Variants in KIAA1328 observed in about 807,000 individuals in gnomAD.
KIAA1328 encodes the protein KIAA1328.
A neutral mutation model predicts 68.1 loss-of-function variants in KIAA1328; 52 were observed. That is an observed-to-expected ratio of 0.76 (90% CI 0.61 to 0.96). The LOEUF (loss-of-function observed/expected upper bound fraction) is 0.96. KIAA1328 is among the 40% of genes least tolerant of loss of function. KIAA1328 has a pLI of 0.00. For missense variants in KIAA1328, 641 were observed against 677.6 expected (o/e 0.95, Z 0.60); for synonymous variants, 232 against 239.4 (o/e 0.97, Z 0.28).
intron 7 of KIAA1328, 50 bp from the exon 8 acceptor site, chr18:37,160,150 C>T: frequency 6.8e-7 from 1 of 1,476,166 alleles, no homozygotes; most frequent in Non-Finnish European, 9.2e-7. Context: ...TCTATGTGCT[C>T]TGTGTTCCCT....
intron 5 of KIAA1328, among the ~76,000 whole-genome samples, chr18:36,893,460 TG>T (rs776185985): frequency 0.03 from 4,122 of 136,688 alleles, 91 homozygotes; most frequent in African/African-American, 0.067. Context: ...TGTGTGTGTG[TG>T]TTTTTGTGTG....
At chr18:36,874,671 A>C (rs1228661612) in intron 4 of KIAA1328, among the ~76,000 whole-genome samples, 5 of 152,176 alleles carry the variant, frequency 3.3e-5, no homozygotes, top group Non-Finnish European at 7.3e-5. Flanking sequence ...GTGGTGCAGA[A>C]GCTCTTTAGT....
intron 6 of KIAA1328, among the ~76,000 whole-genome samples, chr18:37,001,959 C>T (rs1029584179): frequency 6.6e-6 from 1 of 152,082 alleles, no homozygotes; most frequent in African/African-American, 2.4e-5. Flanking sequence ...CAAGGATGCC[C>T]ACTTGCAGCA....
Position 37,067,356 on chromosome 18 carries a change from G to T in KIAA1328, c.1043G>T (p.Gly348Val). 1.2e-6 allele frequency: 2 copies of T among 1,613,894 alleles called. No homozygotes were observed. The highest frequency in any genetic ancestry group is 1.7e-6 in the Non-Finnish European group (2 of 1,179,866). The change falls in exon 7 of 10, where the codon GGT (glycine) becomes GTT (valine). Residue 348 changes from glycine to valine, a missense_variant. Transcript: ENST00000280020. ...CRLSWASLVH[G>V]GGALQPIETL... ...CTTTCTTGGGCATCTCTGGTGCATG[G>T]TGGTGGGGCACTGCAACCCATTGAA...
intron 7 of KIAA1328, among the ~76,000 whole-genome samples, chr18:37,152,302 A>AAGGT (rs2059053397): frequency 6.6e-6 from 1 of 152,132 alleles, no homozygotes. Flanking sequence ...TAAGTTCCTA[A>AAGGT]AGGTAGCAAA....
chr18:36,866,474 A>G (rs1200499276), intron 4 of KIAA1328, among the ~76,000 whole-genome samples: 1 of 152,140 alleles, frequency 6.6e-6, no homozygotes, highest in Non-Finnish European at 1.5e-5. Flanking sequence ...AAATTTAAAA[A>G]AAAGGAGTGA....
At chr18:37,047,168 T>G (rs1171997578) in intron 6 of KIAA1328, among the ~76,000 whole-genome samples, 2 of 152,242 alleles carry the variant, frequency 1.3e-5, no homozygotes, top group Non-Finnish European at 2.9e-5. Context: ...GATTGTTCAA[T>G]ATAACTTGCA....
At chr18:37,066,606 T>G (rs530180784) in intron 6 of KIAA1328, among the ~76,000 whole-genome samples, 1 of 152,326 alleles carries the variant, frequency 6.6e-6, no homozygotes, top group South Asian at 2.1e-4. Flanking sequence ...GTAACTCTCT[T>G]TATTTGCAAC....
At chr18:37,108,327 A>G (rs2057831299) in intron 7 of KIAA1328, among the ~76,000 whole-genome samples, 1 of 152,030 alleles carries the variant, frequency 6.6e-6, no homozygotes, top group Admixed American at 6.5e-5. Flanking sequence ...TTGAGCACAC[A>G]TAAACTAAAT....
intron 9 of KIAA1328, among the ~76,000 whole-genome samples, chr18:37,186,086 A>G (rs2059792091): frequency 1.4e-5 from 2 of 148,014 alleles, no homozygotes; most frequent in South Asian, 4.2e-4. Context: ...TTTGGGCTTC[A>G]AGGATGTCTT....
At chr18:37,103,946 T>C (rs1197724484) in intron 7 of KIAA1328, among the ~76,000 whole-genome samples, 1 of 151,796 alleles carries the variant, frequency 6.6e-6, no homozygotes, top group Non-Finnish European at 1.5e-5. Flanking sequence ...ATCAGGGAAA[T>C]GCAAATTAAA....
intron 4 of KIAA1328, among the ~76,000 whole-genome samples, chr18:36,869,404 G>A (rs1039703937): frequency 3.3e-5 from 5 of 151,964 alleles, no homozygotes; most frequent in Non-Finnish European, 7.4e-5. Context: ...AATTTCCTGT[G>A]ACCTTGCTAG....
chr18:37,180,718 C>T (rs16968605), intron 9 of KIAA1328, among the ~76,000 whole-genome samples: 1,703 of 151,834 alleles, frequency 0.011, 25 homozygotes, highest in African/African-American at 0.039. Context: ...TCTGATGTTC[C>T]TAGCAGAGGA....
intron 7 of KIAA1328, among the ~76,000 whole-genome samples, chr18:37,147,719 G>A (rs566608434): frequency 3.3e-4 from 50 of 152,212 alleles, no homozygotes; most frequent in Non-Finnish European, 6.5e-4. Context: ...AGTATTCTTA[G>A]CGGAAGTCTA....
intron 9 of KIAA1328, among the ~76,000 whole-genome samples, chr18:37,214,132 G>A (rs2060376277): frequency 6.6e-6 from 1 of 152,190 alleles, no homozygotes; most frequent in Non-Finnish European, 1.5e-5. Flanking sequence ...TTCTTTTGCT[G>A]TGCAGAAGCT....
intron 6 of KIAA1328, among the ~76,000 whole-genome samples, chr18:36,995,262 C>G (rs1283786159): frequency 6.6e-6 from 1 of 152,110 alleles, no homozygotes; most frequent in African/African-American, 2.4e-5. Flanking sequence ...TCAGCTTCAT[C>G]CATGTCCCTG....
At chr18:37,155,456 T>G (rs2059132324) in intron 7 of KIAA1328, among the ~76,000 whole-genome samples, 1 of 152,186 alleles carries the variant, frequency 6.6e-6, no homozygotes, top group South Asian at 2.1e-4. Context: ...GACTTTTCTC[T>G]CCCTCTCTCT....
At chr18:36,990,280 T>C (rs1392391387) in intron 6 of KIAA1328, among the ~76,000 whole-genome samples, 1 of 152,172 alleles carries the variant, frequency 6.6e-6, no homozygotes, top group African/African-American at 2.4e-5. Context: ...GAATAACATA[T>C]ATTAATGGCA....
At position 36,883,956 on chromosome 18, in the gene KIAA1328, A is replaced by C. The variant is rs544775469; in HGVS notation, c.333-1601A>C. On this transcript the variant is annotated intron_variant, in intron 4 of 9. Coordinates refer to ENST00000280020, the MANE Select transcript of KIAA1328 (RefSeq NM_020776.3). ...AATGCTTTCCATATTTATAAAGTAT[A>C]TATATATATATATACACACACAGTG... 9.2e-5 allele frequency among the ~76,000 whole-genome samples: 11 copies of C among 119,788 alleles called. No homozygotes were observed. In the Admixed American group the frequency reaches 9.9e-4, roughly 11 times the overall value. 78.6% of individuals were successfully genotyped at this position (119,788 alleles called of 152,430 possible).
Sources: allele counts gnomAD v4.1 joint callset (sites outside exome capture counted in the v4.1 genomes callset), GRCh38; gene constraint gnomAD v4.1.1; transcripts MANE v1.5; gene names NCBI Gene and HGNC (gene_info 2026-07-23, HGNC 2026-07-21).